RREB1: variants seen among roughly 807,000 people sequenced by gnomAD.
RREB1 encodes the protein ras responsive element binding protein 1.
RREB1 carries 27 observed loss-of-function variants against 117.8 expected under a neutral mutation model. That is an observed-to-expected ratio of 0.23 (90% CI 0.17 to 0.32). The LOEUF (loss-of-function observed/expected upper bound fraction) is 0.32, where lower values mean the gene tolerates loss of function less well. Ranked by LOEUF, RREB1 falls within the 10% of genes least tolerant of loss-of-function variation. The probability of loss-of-function intolerance (pLI) is 1.00; values close to 1 mark genes in which losing one functional copy is unlikely to be tolerated. For missense variants in RREB1, 2,577 were observed against 2,378.2 expected, an observed-to-expected ratio of 1.08 and a Z score of -1.74; for synonymous variants, 1,298 against 1,026.7, an observed-to-expected ratio of 1.26 and a Z score of -5.05.
intron 1 of RREB1, among the ~76,000 whole-genome samples, chr6:7,117,388 G>GTTTTTTTTTTTTTTTTTTTTTTTTT (rs70978941): frequency 6.3e-5 from 4 of 63,292 alleles, no homozygotes; most frequent in Admixed American, 2.2e-4. Flanking sequence ...TAGGTTTCCT[G>GTTTTTTTTTTTTTTTTTTTTTTTTT]TTTTTTTTTT....
intron 9 of RREB1, among the ~76,000 whole-genome samples, chr6:7,228,483 G>C (rs1379008962): frequency 6.7e-6 from 1 of 149,334 alleles, no homozygotes; most frequent in Non-Finnish European, 1.5e-5. Context: ...TTAGCAAGCA[G>C]GAGAAGGTCA....
intron 11 of RREB1, among the ~76,000 whole-genome samples, chr6:7,245,462 A>G (rs1768947822): frequency 6.6e-6 from 1 of 152,232 alleles, no homozygotes; most frequent in Non-Finnish European, 1.5e-5. Context: ...CCAGCTTCCA[A>G]TGTACTGTCG....
At position 7,230,520 on chromosome 6, in the gene RREB1, C is replaced by A; in HGVS notation, c.2421C>A (p.His807Gln). ...AAFAAKRNCI[H>Q]HILKQHLHVP... ...TCGCGGCCAAGCGCAACTGCATCCA[C>A]CACATCCTCAAGCAGCACCTGCACG... The change falls in exon 10 of 13, where the codon CAC (histidine) becomes CAA (glutamine). Residue 807 changes from histidine (H) to glutamine (Q), a missense_variant. Transcript: ENST00000379938. The A allele has an allele frequency of 6.3e-7, 1 of 1,594,994 alleles. No homozygotes were observed. Among genetic ancestry groups the A allele is most frequent in the Non-Finnish European group, 8.5e-7 (1 of 1,176,284 alleles).
chr6:7,162,555 T>A (rs987699922), intron 1 of RREB1, among the ~76,000 whole-genome samples: 7 of 152,146 alleles, frequency 4.6e-5, no homozygotes, highest in Non-Finnish European at 8.8e-5. Context: ...CTCTCTGTCT[T>A]ACAGCTCTTG....
intron 1 of RREB1, among the ~76,000 whole-genome samples, chr6:7,166,516 G>A (rs777659119): frequency 4.0e-4 from 61 of 152,308 alleles, no homozygotes; most frequent in Non-Finnish European, 2.9e-4. Context: ...GGAGCTGGGC[G>A]TGGTCACTTC....
rs1767924465 is a variant in RREB1 at position 7,231,011 on chromosome 6, C to T, written c.2912C>T (p.Pro971Leu). 1 of 1,614,158 alleles carries T rather than the reference C, an allele frequency of 6.2e-7. No individual in the cohort carries two copies. Among genetic ancestry groups the T allele is most frequent in the South Asian group, 1.1e-5 (1 of 91,084 alleles). ...EEAGSSEQPSPCPAPGPSLPV... is the reference protein window; with the variant it reads ...EEAGSSEQPSLCPAPGPSLPV... ...GCGGGGAGCAGCGAGCAGCCCTCTC[C>T]CTGCCCAGCACCCGGCCCTTCTCTT... The change falls in exon 10 of 13, where the codon CCC becomes CTC. Residue 971 changes from proline to leucine, a missense_variant. By Grantham distance (98) the Pro-to-Leu change is moderately conservative (BLOSUM62 -3). Transcript: ENST00000379938.
In RREB1 at chr6:7,247,004, G is replaced by T; in HGVS notation, c.4554G>T (p.Pro1518=). ...CGGCCCCGGGTGCCGGGGAGGCCCCGGCGGAAAAGCTCGCGGAGGAGACGG... is the reference window on the plus strand; with the variant it reads ...CGGCCCCGGGTGCCGGGGAGGCCCCTGCGGAAAAGCTCGCGGAGGAGACGG... ...VESAPGAGEA[P]AEKLAEETEG... The change falls in exon 12 of 13, where the codon CCG becomes CCT. Residue 1518 remains proline, a synonymous_variant. Transcript: ENST00000379938. 6.2e-7 allele frequency: 1 copy of T among 1,604,600 alleles called. No individual in the cohort carries two copies. The highest frequency in any genetic ancestry group is 1.7e-5 in the Admixed American group (1 of 58,932).
intron 1 of RREB1, among the ~76,000 whole-genome samples, chr6:7,142,288 G>A (rs1386337054): frequency 6.6e-6 from 1 of 151,222 alleles, no homozygotes; most frequent in Non-Finnish European, 1.5e-5. Context: ...GCCAGTTCTC[G>A]TGGCTTCCGC....
chr6:7,248,255 G>C (rs1380614352), intron 12 of RREB1, among the ~76,000 whole-genome samples: 1 of 152,230 alleles, frequency 6.6e-6, no homozygotes, highest in Non-Finnish European at 1.5e-5. Flanking sequence ...TGGGACCTGG[G>C]TTTTCTGGAT....
At chr6:7,227,574 A>G (rs1229061797) in intron 9 of RREB1, among the ~76,000 whole-genome samples, 1 of 152,140 alleles carries the variant, frequency 6.6e-6, no homozygotes, top group Non-Finnish European at 1.5e-5. Flanking sequence ...AATAAAATAA[A>G]AGTGGTGAAT....
At chr6:7,147,214 C>T (rs1403926175) in intron 1 of RREB1, among the ~76,000 whole-genome samples, 6 of 152,174 alleles carry the variant, frequency 3.9e-5, no homozygotes, top group Non-Finnish European at 8.8e-5. Context: ...TCATGGCAGC[C>T]GTTTTCCACT....
chr6:7,154,573 C>T (rs1017289543), intron 1 of RREB1, among the ~76,000 whole-genome samples: 1 of 152,186 alleles, frequency 6.6e-6, no homozygotes, highest in Non-Finnish European at 1.5e-5. Context: ...ATAGATTTGA[C>T]TAATCTATTT....
At chr6:7,222,827 G>A (rs1326148756) in intron 8 of RREB1, among the ~76,000 whole-genome samples, 1 of 152,032 alleles carries the variant, frequency 6.6e-6, no homozygotes, top group East Asian at 1.9e-4. Flanking sequence ...AACCATAGAG[G>A]TGCAGTAAAT....
intron 1 of RREB1, among the ~76,000 whole-genome samples, chr6:7,120,107 C>T (rs1038254417): frequency 4.1e-5 from 6 of 146,812 alleles, no homozygotes; most frequent in Admixed American, 6.8e-5. Context: ...ACCCCCCGCC[C>T]GCCTTTTTTA....
intron 1 of RREB1, among the ~76,000 whole-genome samples, chr6:7,114,490 G>T (rs2113287753): frequency 1.3e-5 from 2 of 151,942 alleles, no homozygotes; most frequent in East Asian, 1.9e-4. Flanking sequence ...CGGCAGCGGG[G>T]AGCTGCTACT....
At chr6:7,233,699 G>A (rs1768134853) in intron 10 of RREB1, among the ~76,000 whole-genome samples, 1 of 152,156 alleles carries the variant, frequency 6.6e-6, no homozygotes, top group East Asian at 1.9e-4. Context: ...GTTTATGACA[G>A]GATGTTGAGG....
At chr6:7,245,111 AG>A (rs1448450927) in intron 11 of RREB1, among the ~76,000 whole-genome samples, 5 of 152,220 alleles carry the variant, frequency 3.3e-5, no homozygotes, top group Non-Finnish European at 7.3e-5. Flanking sequence ...TAAATCAGAC[AG>A]TGGCCGGGCA....
intron 1 of RREB1, among the ~76,000 whole-genome samples, chr6:7,137,325 G>A (rs1284739460): frequency 6.6e-6 from 1 of 152,222 alleles, no homozygotes; most frequent in Non-Finnish European, 1.5e-5. Flanking sequence ...AGGGAATAGA[G>A]GGTTGGAATC....
intron 5 of RREB1, among the ~76,000 whole-genome samples, chr6:7,187,912 T>C (rs1171436932): frequency 6.6e-6 from 1 of 152,162 alleles, no homozygotes; most frequent in Non-Finnish European, 1.5e-5. Context: ...CCACAACACT[T>C]TGGGAGGCCA....
Sources: gnomAD v4.1 joint callset for allele counts (sites outside exome capture counted in the v4.1 genomes callset) on GRCh38, gnomAD v4.1.1 for gene constraint, MANE v1.5 for transcripts, NCBI Gene and HGNC (gene_info 2026-07-23, HGNC 2026-07-21) for gene names.